Variants in SCFD2 observed in about 807,000 individuals in gnomAD.
SCFD2 encodes the protein sec1 family domain-containing protein 2.
A neutral mutation model predicts 58.9 loss-of-function variants in SCFD2; 54 were observed. That is an observed-to-expected ratio of 0.92 (90% CI 0.74 to 1.15). The LOEUF (loss-of-function observed/expected upper bound fraction) is 1.15, where lower values mean the gene tolerates loss of function less well. Among genes scored for constraint, SCFD2 ranks in the 50% most tolerant of loss-of-function variants. The pLI, the probability that SCFD2 is intolerant of heterozygous loss-of-function variation, is 0.00. For synonymous variants in SCFD2, 321 were observed against 335.9 expected, an observed-to-expected ratio of 0.96 and a Z score of 0.49; for missense variants, 805 against 836.6, an observed-to-expected ratio of 0.96 and a Z score of 0.47.
At chr4:53,007,333 AGGG>A (rs1721994773) in intron 5 of SCFD2, among the ~76,000 whole-genome samples, 1 of 125,518 alleles carries the variant, frequency 8.0e-6, no homozygotes, top group Non-Finnish European at 1.7e-5. Flanking sequence ...AGAGAGAGAG[AGGG>A]AGAGAGAGAG....
rs543743288 is a variant in SCFD2, at chr4:53,029,796, T to TA, written c.1562-108927dup. On this transcript the variant is annotated intron_variant, in intron 5 of 8. Coordinates refer to ENST00000401642, the MANE Select transcript of SCFD2 (RefSeq NM_152540.4). The stretch of plus-strand genomic sequence containing the variant: ...TGTAATCCAAAAAATGAACCTCAAC[T>TA]AACACTTTGTACCTTATAGGAAAAT... Among the ~76,000 whole-genome samples, 18 of 152,344 alleles carry TA rather than the reference T, an allele frequency of 1.2e-4. No individual in the cohort carries two copies. In the East Asian group the frequency reaches 2.5e-3, roughly 21 times the overall value.
At chr4:53,194,805 C>T (rs947340266) in intron 4 of SCFD2, among the ~76,000 whole-genome samples, 1 of 152,156 alleles carries the variant, frequency 6.6e-6, no homozygotes, top group African/African-American at 2.4e-5. Context: ...TATATCCCTT[C>T]TGTCTCCAAC....
At chr4:53,120,066 A>G (rs1725436311) in intron 5 of SCFD2, among the ~76,000 whole-genome samples, 1 of 152,212 alleles carries the variant, frequency 6.6e-6, no homozygotes, top group South Asian at 2.1e-4. Context: ...AATGGGTGAA[A>G]ATGTATCCAA....
chr4:53,179,701 C>T (rs1322986194), intron 4 of SCFD2, among the ~76,000 whole-genome samples: 1 of 152,122 alleles, frequency 6.6e-6, no homozygotes, highest in Admixed American at 6.5e-5. Flanking sequence ...AAGACACAGA[C>T]TGGCAAATTG....
chr4:53,272,414 C>A (rs946572944), intron 4 of SCFD2, among the ~76,000 whole-genome samples: 3 of 152,118 alleles, frequency 2.0e-5, no homozygotes, highest in Non-Finnish European at 2.9e-5. Context: ...ATGTTTATTG[C>A]AGCACTATTC....
chr4:52,947,968 CAAA>C (rs34494471), intron 5 of SCFD2, among the ~76,000 whole-genome samples: 1,885 of 35,190 alleles, frequency 0.054, 100 homozygotes, highest in African/African-American at 0.18. Context: ...AAAAATAGGC[CAAA>C]AAAAAAAAAA....
At chr4:53,202,989 T>A (rs1728298241) in intron 4 of SCFD2, among the ~76,000 whole-genome samples, 2 of 152,192 alleles carry the variant, frequency 1.3e-5, no homozygotes, top group African/African-American at 4.8e-5. Context: ...CAATTTGACT[T>A]CCTCTTTTCC....
intron 5 of SCFD2, among the ~76,000 whole-genome samples, chr4:52,941,098 T>C (rs1000067688): frequency 6.6e-6 from 1 of 150,922 alleles, no homozygotes. Context: ...TTTTTTTTTT[T>C]CCTGCAGAAG....
At chr4:53,091,017 A>C (rs1724453376) in intron 5 of SCFD2, among the ~76,000 whole-genome samples, 1 of 152,196 alleles carries the variant, frequency 6.6e-6, no homozygotes, top group African/African-American at 2.4e-5. Context: ...ACATGACTCT[A>C]AGATCATACT....
At chr4:53,017,996 G>C (rs1722254837) in intron 5 of SCFD2, among the ~76,000 whole-genome samples, 1 of 152,176 alleles carries the variant, frequency 6.6e-6, no homozygotes. Flanking sequence ...AAACCACTCT[G>C]TATCCATCCT....
chr4:53,231,254 C>T (rs1407648334), intron 4 of SCFD2, among the ~76,000 whole-genome samples: 1 of 152,054 alleles, frequency 6.6e-6, no homozygotes, highest in East Asian at 1.9e-4. Flanking sequence ...GACTATAATC[C>T]TTATTATTTA....
At chr4:53,123,539 G>GGC (rs146532541) in intron 5 of SCFD2, among the ~76,000 whole-genome samples, 30,481 of 132,380 alleles carry the variant, frequency 0.23, 3,277 homozygotes, top group Non-Finnish European at 0.27. Flanking sequence ...GGGTGGGGGG[G>GGC]GGGCACTGAC....
At chr4:53,185,787 T>C (rs1309346891) in intron 4 of SCFD2, among the ~76,000 whole-genome samples, 2 of 152,056 alleles carry the variant, frequency 1.3e-5, no homozygotes, top group African/African-American at 4.8e-5. Context: ...TAGTAGCCAA[T>C]GAACAATTTT....
At chr4:53,199,657 C>G (rs534708087) in intron 4 of SCFD2, among the ~76,000 whole-genome samples, 5 of 152,044 alleles carry the variant, frequency 3.3e-5, no homozygotes, top group Non-Finnish European at 7.4e-5. Context: ...ACAAAAACTC[C>G]TTAGCAGCAA....
At chr4:53,018,374 T>C (rs1722263729) in intron 5 of SCFD2, among the ~76,000 whole-genome samples, 1 of 152,172 alleles carries the variant, frequency 6.6e-6, no homozygotes, top group Admixed American at 6.5e-5. Context: ...CAGATCTAAA[T>C]CTTACGGCAA....
chr4:53,328,943 G>C (rs1240576943), intron 2 of SCFD2, among the ~76,000 whole-genome samples: 1 of 152,246 alleles, frequency 6.6e-6, no homozygotes, highest in Non-Finnish European at 1.5e-5. Context: ...GAAGCGCAAG[G>C]GGTCAGGGAG....
chr4:53,015,010 T>A (rs1295433796), intron 5 of SCFD2, among the ~76,000 whole-genome samples: 2 of 152,200 alleles, frequency 1.3e-5, no homozygotes, highest in Non-Finnish European at 2.9e-5. Flanking sequence ...GTAGCAGTTG[T>A]TTTGAATAAA....
At chr4:53,276,793 AT>A (rs1731342063) in intron 3 of SCFD2, among the ~76,000 whole-genome samples, 1 of 152,230 alleles carries the variant, frequency 6.6e-6, no homozygotes, top group Admixed American at 6.5e-5. Flanking sequence ...CCAGCAACAT[AT>A]GAGAGTTTTA....
At position 53,366,035 on chromosome 4, in the gene SCFD2, T is replaced by C. The variant is rs1734698171; in HGVS notation, c.-94A>G. ...ATTGGGCTCCGGGAGACTTTGACAGTCTCCACAGTACACGTGGTCGGCCTC... is the reference window on the plus strand; with the variant it reads ...ATTGGGCTCCGGGAGACTTTGACAGCCTCCACAGTACACGTGGTCGGCCTC... On this transcript the variant is annotated 5_prime_UTR_variant, in exon 1 of 9. Transcript: ENST00000401642. The C allele has an allele frequency of 3.5e-6, 5 of 1,419,666 alleles. No homozygotes were observed. Among genetic ancestry groups the C allele is most frequent in the South Asian group, 2.8e-5 (2 of 72,286 alleles). 87.9% of individuals were successfully genotyped at this position (1,419,666 alleles called of 1,614,324 possible). A position where few individuals can be genotyped will look rare whatever the true frequency, so the allele number is the denominator to read the frequency against.
Sources: gnomAD v4.1 joint callset for allele counts (sites outside exome capture counted in the v4.1 genomes callset) on GRCh38, gnomAD v4.1.1 for gene constraint, MANE v1.5 for transcripts, NCBI Gene and HGNC (gene_info 2026-07-23, HGNC 2026-07-21) for gene names.